The following ANKRD12 variants were observed in gnomAD, a reference collection of about 807,000 sequenced individuals.
ANKRD12 encodes ankyrin repeat domain-containing protein 12.
ANKRD12 carries 85 observed loss-of-function variants against 183.4 expected under a neutral mutation model. The observed-to-expected ratio is 0.46, with a 90% CI of 0.39 to 0.56. ANKRD12 has a LOEUF of 0.56. Ranked by LOEUF, ANKRD12 falls within the 20% of genes least tolerant of loss-of-function variation. The probability of loss-of-function intolerance (pLI) is 0.00; values close to 1 mark genes in which losing one functional copy is unlikely to be tolerated. For missense variants in ANKRD12, 2,405 were observed against 2,357.1 expected (o/e 1.02, Z -0.42); for synonymous variants, 914 against 800.2 (o/e 1.14, Z -2.40).
At chr18:9,260,996 G>T (rs975070142) in intron 9 of ANKRD12, among the ~76,000 whole-genome samples, 1 of 151,928 alleles carries the variant, frequency 6.6e-6, no homozygotes, top group East Asian at 1.9e-4. Context: ...CCACCCTCCC[G>T]TTCTCACACT....
intron 10 of ANKRD12, among the ~76,000 whole-genome samples, chr18:9,270,726 C>T (rs2864515): frequency 0.074 from 11,229 of 152,154 alleles, 427 homozygotes; most frequent in African/African-American, 0.083. Flanking sequence ...TGTAACAAAC[C>T]TGCACGTTGT....
At chr18:9,212,614 G>C (rs1279943240) in intron 6 of ANKRD12, among the ~76,000 whole-genome samples, 1 of 151,866 alleles carries the variant, frequency 6.6e-6, no homozygotes, top group African/African-American at 2.4e-5. Context: ...ATTTATGGAA[G>C]TATTTCAGTA....
In ANKRD12 at chr18:9,255,912, A is replaced by G. The variant is rs771220583; in HGVS notation, c.2645A>G (p.His882Arg). The G allele has an allele frequency of 1.3e-6, 2 of 1,594,138 alleles. No homozygotes were observed. Among genetic ancestry groups the G allele is most frequent in the Non-Finnish European group, 1.7e-6 (2 of 1,174,846 alleles). ...TATTCGCATCACACAGAAAAATGCC[A>G]TAAAGAAGGTGAGAAGAGCAAAAAT... is the stretch of plus-strand genomic sequence containing the variant. The part of the protein sequence containing the change: ...KLYSHHTEKC[H>R]KEGEKSKNTA... Residue 882 changes from histidine to arginine, a missense_variant, in exon 9 of 13, where the codon CAT (histidine) becomes CGT (arginine). Physicochemically the swap from His to Arg is conservative, Grantham distance 29. Around this residue, in one of 7 missense-constraint regions of ANKRD12, gnomAD observed 1,983 missense variants for 1,725.9 expected, o/e 1.15. Coordinates refer to ENST00000262126, the MANE Select transcript of ANKRD12 (RefSeq NM_015208.5).
At chr18:9,209,923 C>A (rs1052158943) in intron 5 of ANKRD12, among the ~76,000 whole-genome samples, 1 of 152,108 alleles carries the variant, frequency 6.6e-6, no homozygotes, top group Non-Finnish European at 1.5e-5. Context: ...CAAGAGGTGA[C>A]CACTGTTAAC....
At chr18:9,224,135 G>A in intron 8 of ANKRD12, among the ~76,000 whole-genome samples, 1 of 152,148 alleles carries the variant, frequency 6.6e-6, no homozygotes, top group East Asian at 1.9e-4. Context: ...TTAAGGAAAA[G>A]TGAGTGGAAA....
At chr18:9,168,827 G>C (rs1200301618) in intron 1 of ANKRD12, among the ~76,000 whole-genome samples, 1 of 151,272 alleles carries the variant, frequency 6.6e-6, no homozygotes, top group Non-Finnish European at 1.5e-5. Flanking sequence ...GTCAATTTTA[G>C]ATCTTTCCTG....
rs577921182 is a variant in ANKRD12 at position 9,280,233 on chromosome 18, A to G, written c.6003+589A>G. Among the ~76,000 whole-genome samples the G allele has an allele frequency of 3.9e-4, 59 of 152,294 alleles. 2 individuals are homozygous for G. The South Asian group carries it at 0.012, about 32-fold the overall frequency. ...GATTCTCATAAGGAGCATGCAACCT[A>G]GAACCCTCGCATGTGCAGTTCACAA... On this transcript the variant is annotated intron_variant, in intron 12 of 12. Coordinates refer to ENST00000262126, the MANE Select transcript of ANKRD12 (RefSeq NM_015208.5).
In ANKRD12 at chr18:9,257,265, G is replaced by C. The variant is rs773009376; in HGVS notation, c.3998G>C (p.Gly1333Ala). The C allele has an allele frequency of 1.9e-6, 3 of 1,613,992 alleles. No homozygotes were observed. The highest frequency in any genetic ancestry group is 1.7e-5 in the Admixed American group (1 of 59,984). ...FQTISEESNQ[G>A]SLLTVPGDTS... ...ACAATATCAGAAGAGAGCAATCAAG[G>C]TAGCTTATTAACTGTGCCAGGAGAT... is the stretch of plus-strand genomic sequence containing the variant. The change falls in exon 9 of 13, where the codon GGT becomes GCT. Residue 1333 changes from glycine to alanine, a missense_variant. Physicochemically the swap from Gly to Ala is moderately conservative, Grantham distance 60 (BLOSUM62 0). This residue lies in a region of ANKRD12 where 1,983 missense variants were observed against 1,725.9 expected (regional missense o/e 1.15). Coordinates refer to ENST00000262126, the MANE Select transcript of ANKRD12 (RefSeq NM_015208.5).
Position 9,258,419 on chromosome 18 carries a change from T to C in ANKRD12, c.5152T>C (p.Leu1718=). ...ATATGGTCAGTTAGTTAAAGTAGAA[T>C]TAGAAGAAAATGCCGAAGATGATAA... ...HKYGQLVKVE[L]EENAEDDKTE... The change falls in exon 9 of 13, where the codon TTA becomes CTA. Residue 1718 remains leucine, a synonymous_variant. Coordinates refer to ENST00000262126, the MANE Select transcript of ANKRD12 (RefSeq NM_015208.5). 7 of 1,613,712 alleles carry C rather than the reference T, an allele frequency of 4.3e-6. No individual in the cohort carries two copies. Among genetic ancestry groups the C allele is most frequent in the South Asian group, 1.1e-5 (1 of 91,054 alleles).
At chr18:9,213,332 A>G (rs2035911618) in intron 6 of ANKRD12, among the ~76,000 whole-genome samples, 3 of 151,950 alleles carry the variant, frequency 2.0e-5, no homozygotes, top group African/African-American at 2.4e-5. Flanking sequence ...GGAAAACTTG[A>G]CATTATTTAT....
rs1272784617 is a variant in ANKRD12, at chr18:9,182,428, G to A, written c.-5G>A. The A allele has an allele frequency of 1.2e-6, 2 of 1,606,726 alleles. No individual in the cohort carries two copies. Among genetic ancestry groups the A allele is most frequent in the Non-Finnish European group, 1.7e-6 (2 of 1,175,528 alleles). ...AAAAGAAGAAGCTAGCTGAACAGCT[G>A]TAAAATGCCCAAATCTGGGTTCACA... On this transcript the variant is annotated 5_prime_UTR_variant, in exon 2 of 13. Transcript: ENST00000262126.
intron 4 of ANKRD12, 113 bp from the exon 5 acceptor site, chr18:9,208,544 A>G (rs1340104934): frequency 6.0e-6 from 5 of 835,832 alleles, no homozygotes; most frequent in Admixed American, 3.3e-5. Context: ...TAGTTCATAT[A>G]TTGTACACAT....
At position 9,284,909 on chromosome 18, in the gene ANKRD12, A is replaced by G. The variant is rs938217637; in HGVS notation, c.*3783A>G. On this transcript the variant is annotated 3_prime_UTR_variant, in exon 13 of 13. Transcript: ENST00000262126. ...TTTTGTACATGGACAGCGTCCTCAT[A>G]AAAGAAAATAGGCCAGGCCAGGCGC... The G allele has an allele frequency of 6.6e-6, 1 of 151,994 alleles. No homozygotes were observed. The highest frequency in any genetic ancestry group is 2.4e-5 in the African/African-American group (1 of 41,242). 9.4% of individuals were successfully genotyped at this position (151,994 alleles called of 1,614,324 possible).
intron 1 of ANKRD12, among the ~76,000 whole-genome samples, chr18:9,149,015 C>G (rs746529862): frequency 6.6e-6 from 1 of 152,120 alleles, no homozygotes; most frequent in African/African-American, 2.4e-5. Context: ...ATCCTCCTCC[C>G]ACACCAGCCC....
chr18:9,262,438 CTTTTG>C (rs761407988), intron 9 of ANKRD12, among the ~76,000 whole-genome samples: 16 of 152,070 alleles, frequency 1.1e-4, no homozygotes, highest in African/African-American at 1.7e-4. Context: ...TCTTGGACAT[CTTTTG>C]TTTTGTTTTG....
chr18:9,255,017 G>C lies in ANKRD12; in HGVS notation c.1750G>C (p.Asp584His). 6.2e-7 allele frequency: 1 copy of C among 1,604,316 alleles called. No individual in the cohort carries two copies. The highest frequency in any genetic ancestry group is 2.2e-5 in the East Asian group (1 of 44,568). The change falls in exon 9 of 13, where the codon GAT (aspartate) becomes CAT (histidine). Residue 584 changes from aspartate (D) to histidine (H), a missense_variant. By Grantham distance (81) the Asp-to-His change is moderately conservative. Around this residue, in one of 7 missense-constraint regions of ANKRD12, gnomAD observed 1,983 missense variants for 1,725.9 expected, o/e 1.15. Coordinates refer to ENST00000262126, the MANE Select transcript of ANKRD12 (RefSeq NM_015208.5). ...MSLQPDLVRY[D>H]NTESEFLPES... ...ATTACAGCCTGATCTTGTTCGGTAT[G>C]ATAATACAGAATCTGAATTCTTGCC...
intron 8 of ANKRD12, among the ~76,000 whole-genome samples, chr18:9,233,258 G>C (rs1476924180): frequency 1.3e-5 from 2 of 151,978 alleles, no homozygotes; most frequent in East Asian, 3.9e-4. Context: ...TTCAGTTCCA[G>C]AATTTTTGTT....
chr18:9,256,341 A>G lies in ANKRD12; in HGVS notation c.3074A>G (p.Asp1025Gly), dbSNP rs772196797. 1 of 1,593,934 alleles carries G rather than the reference A, an allele frequency of 6.3e-7. No individual in the cohort carries two copies. The highest frequency in any genetic ancestry group is 8.5e-7 in the Non-Finnish European group (1 of 1,170,578). Residue 1025 changes from aspartate (D) to glycine (G), a missense_variant, in exon 9 of 13, where the codon GAT becomes GGT. By Grantham distance (94) the Asp-to-Gly change is moderately conservative. This residue lies in a region of ANKRD12 where 1,983 missense variants were observed against 1,725.9 expected (regional missense o/e 1.15). Transcript: ENST00000262126. ...KEKDKKDKDI[D>G]RYKERDKHKD... ...AAAGATAAAAAAGATAAAGATATAG[A>G]TAGATACAAAGAACGAGACAAACAT...
At position 9,256,003 on chromosome 18, in the gene ANKRD12, CAAAG is replaced by C. The variant is rs1379807659; in HGVS notation, c.2740_2743del (p.Glu914SerfsTer8). On this transcript the variant is annotated frameshift_variant, in exon 9 of 13. Coordinates refer to ENST00000262126, the MANE Select transcript of ANKRD12 (RefSeq NM_015208.5). LOFTEE classifies it high-confidence loss of function. The stretch of plus-strand genomic sequence containing the variant: ...GAGAAAAGATGGATAGGAAACATGA[CAAAG>C]AAAAGCCTGAAAAAGAGAGGCATCT... 6.4e-7 allele frequency: 1 copy of C among 1,553,680 alleles called. No individual in the cohort carries two copies. Among genetic ancestry groups the C allele is most frequent in the Non-Finnish European group, 8.6e-7 (1 of 1,159,384 alleles).
Sources: allele counts gnomAD v4.1 joint callset (sites outside exome capture counted in the v4.1 genomes callset), GRCh38; gene constraint gnomAD v4.1.1; regional missense constraint gnomAD v4.1.1; transcripts MANE v1.5; gene names NCBI Gene and HGNC (gene_info 2026-07-23, HGNC 2026-07-21).